Variants in ELOVL4 observed in about 807,000 individuals in gnomAD.
ELOVL4 encodes very long chain fatty acid elongase 4.
In ELOVL4, 18 loss-of-function variants were observed where a neutral mutation model predicts 42.1. The ratio of observed to expected loss-of-function variants is 0.43; its 90% confidence interval spans 0.30 to 0.63. ELOVL4 has a LOEUF of 0.63. Ranked by LOEUF, ELOVL4 falls within the 30% of genes least tolerant of loss-of-function variation. The probability of loss-of-function intolerance (pLI) is 0.15; values close to 1 mark genes in which losing one functional copy is unlikely to be tolerated. For synonymous variants in ELOVL4, 117 were observed against 127.0 expected (o/e 0.92, Z 0.53); for missense variants, 299 against 376.2 (o/e 0.79, Z 1.70).
intron 1 of ELOVL4, among the ~76,000 whole-genome samples, chr6:79,931,019 C>A (rs1582050726): frequency 6.6e-6 from 1 of 152,024 alleles, no homozygotes. Context: ...AACCCTGTCG[C>A]CAAATAGTAC....
intron 1 of ELOVL4, among the ~76,000 whole-genome samples, chr6:79,928,036 C>G (rs1185688733): frequency 6.6e-6 from 1 of 152,014 alleles, no homozygotes; most frequent in Non-Finnish European, 1.5e-5. Flanking sequence ...CATTCTATGA[C>G]CATATCTTTC....
intron 3 of ELOVL4, 54 bp downstream of exon 3, chr6:79,924,898 G>T (rs1202671265): frequency 3.8e-6 from 4 of 1,040,930 alleles, no homozygotes; most frequent in South Asian, 2.5e-5. Flanking sequence ...ACAGACTGGG[G>T]CCTATAAAAA....
At chr6:79,923,160 T>C (rs559293736) in intron 3 of ELOVL4, among the ~76,000 whole-genome samples, 159 of 152,274 alleles carry the variant, frequency 1.0e-3, no homozygotes, top group African/African-American at 3.8e-3. Flanking sequence ...GCACTAGATA[T>C]CTTTAAATAA....
At chr6:79,936,868 G>A (rs1231304697) in intron 1 of ELOVL4, among the ~76,000 whole-genome samples, 2 of 152,180 alleles carry the variant, frequency 1.3e-5, no homozygotes. Flanking sequence ...TCCTGAAGGT[G>A]GTGGGTGAAG....
chr6:79,917,977 G>T (rs1172729776), intron 5 of ELOVL4, among the ~76,000 whole-genome samples: 1 of 152,076 alleles, frequency 6.6e-6, no homozygotes. Context: ...ATAAAAGAAT[G>T]GGTCAAGACA....
At chr6:79,917,793 C>A (rs992565839) in intron 5 of ELOVL4, among the ~76,000 whole-genome samples, 1 of 152,084 alleles carries the variant, frequency 6.6e-6, no homozygotes, top group Admixed American at 6.6e-5. Context: ...TGCACTCCAA[C>A]TTGGGCAACA....
chr6:79,940,950 C>T (rs1774635383), intron 1 of ELOVL4, among the ~76,000 whole-genome samples: 1 of 152,058 alleles, frequency 6.6e-6, no homozygotes, highest in Non-Finnish European at 1.5e-5. Context: ...TATCTGTATA[C>T]TTTTGTTGCT....
intron 4 of ELOVL4, 110 bp from the exon 5 acceptor site, chr6:79,919,657 G>A: frequency 1.0e-6 from 1 of 976,128 alleles, no homozygotes; most frequent in South Asian, 1.6e-5. Flanking sequence ...TTAATCTTGA[G>A]TACAGATTAG....
intron 3 of ELOVL4, 114 bp from the exon 4 acceptor site, chr6:79,921,910 C>T (rs1317992400): frequency 3.9e-6 from 4 of 1,018,388 alleles, no homozygotes; most frequent in Non-Finnish European, 6.0e-6. Flanking sequence ...ATGTACAAGG[C>T]ATGGAATCAT....
chr6:79,916,443 G>A lies in ELOVL4; in HGVS notation c.*165C>T. 1 of 737,318 alleles carries A rather than the reference G, an allele frequency of 1.4e-6. No individual in the cohort carries two copies. Among genetic ancestry groups the A allele is most frequent in the Non-Finnish European group, 2.3e-6 (1 of 442,548 alleles). 45.7% of individuals were successfully genotyped at this position (737,318 alleles called of 1,614,324 possible). Reference sequence around the variant, plus strand: ...TAAAAACTTCATAAATAAAACATCTGGGTATGGTATTAACACTTTACTCAG... The same window carrying A: ...TAAAAACTTCATAAATAAAACATCTAGGTATGGTATTAACACTTTACTCAG... On this transcript the variant is annotated 3_prime_UTR_variant, in exon 6 of 6. Coordinates refer to ENST00000369816, the MANE Select transcript of ELOVL4 (RefSeq NM_022726.4).
At chr6:79,918,327 T>C (rs527819462) in intron 5 of ELOVL4, among the ~76,000 whole-genome samples, 4 of 152,158 alleles carry the variant, frequency 2.6e-5, no homozygotes, top group Non-Finnish European at 5.9e-5. Flanking sequence ...AAGGGTGTGA[T>C]TGGGTATGGC....
intron 1 of ELOVL4, among the ~76,000 whole-genome samples, chr6:79,938,071 C>A (rs1247700271): frequency 1.3e-5 from 2 of 152,172 alleles, no homozygotes; most frequent in African/African-American, 4.8e-5. Flanking sequence ...ATGGCCTATT[C>A]ATAAAAGCCA....
intron 1 of ELOVL4, among the ~76,000 whole-genome samples, chr6:79,930,596 A>G (rs1201684968): frequency 1.3e-5 from 2 of 152,140 alleles, no homozygotes; most frequent in Non-Finnish European, 2.9e-5. Flanking sequence ...GGGCTGTGTC[A>G]CAATAGTGCC....
chr6:79,933,680 A>G (rs1287333711), intron 1 of ELOVL4, among the ~76,000 whole-genome samples: 3 of 152,178 alleles, frequency 2.0e-5, no homozygotes, highest in Non-Finnish European at 4.4e-5. Context: ...TGTGCTTGCT[A>G]AAATTATAGA....
chr6:79,943,920 A>G (rs1430055437), intron 1 of ELOVL4, among the ~76,000 whole-genome samples: 1 of 151,438 alleles, frequency 6.6e-6, no homozygotes, highest in African/African-American at 2.4e-5. Flanking sequence ...TTTTCACCAA[A>G]ATGCAGGGTA....
chr6:79,940,969 C>T (rs938498563), intron 1 of ELOVL4, among the ~76,000 whole-genome samples: 6 of 152,020 alleles, frequency 3.9e-5, no homozygotes, highest in Non-Finnish European at 5.9e-5. Flanking sequence ...CTCTATTCCT[C>T]TACCTATTTC....
At chr6:79,919,901 A>G (rs1316738556) in intron 4 of ELOVL4, among the ~76,000 whole-genome samples, 1 of 152,098 alleles carries the variant, frequency 6.6e-6, no homozygotes, top group Admixed American at 6.6e-5. Context: ...AGATGTGCCA[A>G]TATATATATC....
At position 79,943,222 on chromosome 6, in the gene ELOVL4, G is replaced by A. The variant is rs1425527978; in HGVS notation, c.100+3958C>T. Among the ~76,000 whole-genome samples, 4 of 152,074 alleles carry A rather than the reference G, an allele frequency of 2.6e-5. No homozygotes were observed. In the East Asian group the frequency reaches 7.7e-4, roughly 29 times the overall value. The stretch of plus-strand genomic sequence containing the variant: ...ATACTTAAAATACATGCTCCTCTGG[G>A]ACCTAGCAATCCCTAAGACAAACCT... On this transcript the variant is annotated intron_variant, in intron 1 of 5. Transcript: ENST00000369816.
chr6:79,933,850 T>C (rs1774497769), intron 1 of ELOVL4, among the ~76,000 whole-genome samples: 1 of 152,126 alleles, frequency 6.6e-6, no homozygotes, highest in Non-Finnish European at 1.5e-5. Flanking sequence ...ATGAACAGGA[T>C]AGGTAGATAC....
Sources: allele counts gnomAD v4.1 joint callset (sites outside exome capture counted in the v4.1 genomes callset), GRCh38; gene constraint gnomAD v4.1.1; transcripts MANE v1.5; gene names NCBI Gene and HGNC (gene_info 2026-07-23, HGNC 2026-07-21).